The following PCDH11X variants were observed in gnomAD, a reference collection of about 807,000 sequenced individuals.
The protein encoded by PCDH11X is protocadherin 11 X-linked.
A neutral mutation model predicts 53.3 loss-of-function variants in PCDH11X; 18 were observed. The observed-to-expected ratio is 0.34, with a 90% CI of 0.23 to 0.50. PCDH11X has a LOEUF of 0.50. Ranked by LOEUF, PCDH11X falls within the 20% of genes least tolerant of loss-of-function variation. The probability of loss-of-function intolerance (pLI) is 0.98; values close to 1 mark genes in which losing one functional copy is unlikely to be tolerated. For synonymous variants in PCDH11X, 279 were observed against 393.3 expected (o/e 0.71, Z 3.44); for missense variants, 570 against 1,032.4 (o/e 0.55, Z 6.14).
chrX:92,172,864 A>G (rs781306090), intron 6 of PCDH11X, among the ~76,000 whole-genome samples: 1 of 112,056 alleles, frequency 8.9e-6, no homozygotes, highest in Admixed American at 9.5e-5. Flanking sequence ...TGGACACTGT[A>G]TAATTATTCC....
intron 6 of PCDH11X, among the ~76,000 whole-genome samples, chrX:92,009,463 T>C (rs1164124472): frequency 1.8e-5 from 2 of 110,960 alleles, no homozygotes; most frequent in African/African-American, 3.3e-5. Context: ...TTCTTACATA[T>C]GACATACTAA....
chrX:92,593,442 A>G (rs1473582476), intron 10 of PCDH11X, among the ~76,000 whole-genome samples: 1 of 112,076 alleles, frequency 8.9e-6, no homozygotes, highest in African/African-American at 3.2e-5. Flanking sequence ...ACTTGAGACT[A>G]CTGGAAAAAC....
At chrX:92,259,492 C>T (rs1383038103) in intron 7 of PCDH11X, among the ~76,000 whole-genome samples, 1 of 110,725 alleles carries the variant, frequency 9.0e-6, no homozygotes, top group Non-Finnish European at 1.9e-5. Context: ...TTAAAAGAAC[C>T]AGATCTCATG....
chrX:92,252,025 A>G (rs1448952856), intron 7 of PCDH11X, among the ~76,000 whole-genome samples: 1 of 111,473 alleles, frequency 9.0e-6, no homozygotes, highest in African/African-American at 3.3e-5. Context: ...TAAAGAGGTC[A>G]TTTACATTTT....
At chrX:92,133,491 C>T (rs1329216145) in intron 6 of PCDH11X, among the ~76,000 whole-genome samples, 2 of 111,492 alleles carry the variant, frequency 1.8e-5, no homozygotes, top group Admixed American at 9.5e-5. Flanking sequence ...CTCAGCCTCC[C>T]GAGTAGCTGG....
chrX:92,285,005 C>T (rs761153827), intron 8 of PCDH11X, among the ~76,000 whole-genome samples: 1 of 111,291 alleles, frequency 9.0e-6, no homozygotes, highest in African/African-American at 3.3e-5. Context: ...CTTTTTCCCT[C>T]TGTTTTCGCC....
At chrX:92,317,966 TA>T (rs1383563727) in intron 8 of PCDH11X, among the ~76,000 whole-genome samples, 1 of 111,376 alleles carries the variant, frequency 9.0e-6, no homozygotes, top group Non-Finnish European at 1.9e-5. Context: ...ATAGTAGAAG[TA>T]GTAACAATAG....
At chrX:92,076,181 G>C (rs1012025584) in intron 6 of PCDH11X, among the ~76,000 whole-genome samples, 1 of 107,821 alleles carries the variant, frequency 9.3e-6, no homozygotes, top group Non-Finnish European at 1.9e-5. Flanking sequence ...AAGGAAATAT[G>C]TTAGCCGCTA....
At chrX:92,256,603 T>G (rs1312634178) in intron 7 of PCDH11X, among the ~76,000 whole-genome samples, 1 of 111,692 alleles carries the variant, frequency 9.0e-6, no homozygotes, top group Non-Finnish European at 1.9e-5. Context: ...TATGCAGGTT[T>G]GTTACATGGG....
chrX:92,244,421 T>G (rs779583920), intron 7 of PCDH11X, among the ~76,000 whole-genome samples: 60 of 110,016 alleles, frequency 5.5e-4, no homozygotes, highest in Non-Finnish European at 1.0e-3. Context: ...CAAAGCACTT[T>G]TATACATATC....
Position 91,876,804 on chromosome X carries a change from T to C in PCDH11X, c.564T>C (p.Asp188=). ...AGAGTCAAAACATTTTTGGCCTCGA[T>C]GTCATTGAAACACCAGAAGGAGACA... ...LIKSQNIFGL[D]VIETPEGDKM... Residue 188 remains aspartate, a synonymous_variant, in exon 6 of 11, where the codon GAT becomes GAC. Coordinates refer to ENST00000682573, the MANE Select transcript of PCDH11X (RefSeq NM_032968.5). The C allele has an allele frequency of 8.3e-7, 1 of 1,210,000 alleles. No individual in the cohort carries two copies.
intron 6 of PCDH11X, among the ~76,000 whole-genome samples, chrX:92,002,825 A>G (rs2062533048): frequency 9.2e-6 from 1 of 109,141 alleles, no homozygotes; most frequent in Non-Finnish European, 1.9e-5. Flanking sequence ...ATAAGATTAT[A>G]TCATATTCAT....
chrX:91,879,043 T>C lies in PCDH11X; in HGVS notation c.2803T>C (p.Leu935=), dbSNP rs753103447. The change falls in exon 6 of 11, where the codon TTG becomes CTG. Residue 935 remains leucine, a synonymous_variant. Transcript: ENST00000682573. ...TACTTTCAAGCCCGACAGCCCTGATTTGGCCCGACACTACAAATCTGCCTC... is the reference window on the plus strand; with the variant it reads ...TACTTTCAAGCCCGACAGCCCTGATCTGGCCCGACACTACAAATCTGCCTC... ...PTTFKPDSPD[L]ARHYKSASPQ... 8.3e-7 allele frequency: 1 copy of C among 1,211,316 alleles called. No individual in the cohort carries two copies. Among genetic ancestry groups the C allele is most frequent in the Admixed American group, 2.2e-5 (1 of 45,989 alleles).
intron 6 of PCDH11X, among the ~76,000 whole-genome samples, chrX:92,189,826 C>T (rs1339651897): frequency 2.7e-5 from 3 of 111,859 alleles, no homozygotes; most frequent in Non-Finnish European, 5.6e-5. Context: ...TGATGTTGAG[C>T]TTTTTTGCCT....
At chrX:91,868,395 T>C (rs1321314605) in intron 5 of PCDH11X, among the ~76,000 whole-genome samples, 1 of 111,641 alleles carries the variant, frequency 9.0e-6, no homozygotes, top group Non-Finnish European at 1.9e-5. Context: ...AGAAATGGCC[T>C]TCTCATGTGA....
At chrX:92,094,060 A>G (rs943770841) in intron 6 of PCDH11X, among the ~76,000 whole-genome samples, 13 of 110,167 alleles carry the variant, frequency 1.2e-4, no homozygotes, top group Non-Finnish European at 2.5e-4. Context: ...TTTTTTATTC[A>G]TAAAGCTTCA....
At chrX:92,189,842 T>A (rs373384633) in intron 6 of PCDH11X, among the ~76,000 whole-genome samples, 4 of 112,320 alleles carry the variant, frequency 3.6e-5, no homozygotes, top group African/African-American at 1.3e-4. Context: ...TGCCTATGTT[T>A]GTTGGTCACA....
At chrX:92,453,855 T>C (rs1313970751) in intron 9 of PCDH11X, among the ~76,000 whole-genome samples, 3 of 110,961 alleles carry the variant, frequency 2.7e-5, no homozygotes, top group East Asian at 2.8e-4. Flanking sequence ...ATATTTTCAA[T>C]GAAAACTGTA....
intron 6 of PCDH11X, among the ~76,000 whole-genome samples, chrX:92,194,502 C>T (rs757373044): frequency 7.8e-4 from 87 of 111,002 alleles, no homozygotes; most frequent in African/African-American, 2.3e-3. Flanking sequence ...TGAAAATATA[C>T]GCAGAATTAT....
Sources: allele counts gnomAD v4.1 joint callset (sites outside exome capture counted in the v4.1 genomes callset), GRCh38; gene constraint gnomAD v4.1.1; transcripts MANE v1.5; gene names NCBI Gene and HGNC (gene_info 2026-07-23, HGNC 2026-07-21).